MAGI3: variants seen among roughly 807,000 people sequenced by gnomAD.
MAGI3 encodes the protein membrane associated guanylate kinase, WW and PDZ domain containing 3.
A neutral mutation model predicts 121.8 loss-of-function variants in MAGI3; 43 were observed. The observed-to-expected ratio is 0.35, with a 90% confidence interval of 0.28 to 0.46. The LOEUF is 0.46. Among genes scored for constraint, MAGI3 ranks in the 20% least tolerant of loss-of-function variants. The pLI, the probability that MAGI3 is intolerant of heterozygous loss-of-function variation, is 1.00. For synonymous variants in MAGI3, 553 were observed against 639.3 expected (o/e 0.86, Z 2.04); for missense variants, 1,547 against 1,797.3 (o/e 0.86, Z 2.52).
At chr1:113,519,047 T>C (rs774386689) in intron 1 of MAGI3, among the ~76,000 whole-genome samples, 2 of 152,178 alleles carry the variant, frequency 1.3e-5, no homozygotes, top group African/African-American at 4.8e-5. Flanking sequence ...GGGGTACTGA[T>C]GCTTTCTGAC....
chr1:113,648,189 CTCTTTTAA>C, intron 12 of MAGI3, among the ~76,000 whole-genome samples: 1 of 152,154 alleles, frequency 6.6e-6, no homozygotes, highest in South Asian at 2.1e-4. Context: ...CCAAAGTGGA[CTCTTTTAA>C]TCTCTAAAGT....
chr1:113,654,021 A>G lies in MAGI3; in HGVS notation c.2629+3A>G. 6.2e-7 allele frequency: 1 copy of G among 1,610,642 alleles called. No individual in the cohort carries two copies. Among genetic ancestry groups the G allele is most frequent in the African/African-American group, 1.3e-5 (1 of 74,960 alleles). On this transcript the variant is annotated splice_donor_region_variant and intron_variant, in intron 15 of 20. Coordinates refer to ENST00000307546, the MANE Select transcript of MAGI3 (RefSeq NM_001142782.2). ...CAAAAACAAACCACCTCCAGGAGGT[A>G]AGGGCTATTGTATCTTATTGTCTCT...
At chr1:113,526,533 A>G (rs1449296922) in intron 1 of MAGI3, among the ~76,000 whole-genome samples, 5 of 152,160 alleles carry the variant, frequency 3.3e-5, no homozygotes, top group African/African-American at 4.8e-5. Flanking sequence ...TGGAGAAGGA[A>G]CTACAGGGTG....
chr1:113,475,477 T>A (rs191577895), intron 1 of MAGI3, among the ~76,000 whole-genome samples: 9 of 151,242 alleles, frequency 6.0e-5, no homozygotes, highest in Non-Finnish European at 1.3e-4. Context: ...AAGGCCTTCA[T>A]CTATTGAGAT....
chr1:113,490,455 A>G (rs910076002), intron 1 of MAGI3, among the ~76,000 whole-genome samples: 4 of 152,232 alleles, frequency 2.6e-5, no homozygotes, highest in Admixed American at 6.5e-5. Flanking sequence ...GACCAGTGAC[A>G]TTGTAAGGCA....
chr1:113,573,097 T>G (rs1647411079), intron 2 of MAGI3, among the ~76,000 whole-genome samples: 1 of 152,178 alleles, frequency 6.6e-6, no homozygotes, highest in Non-Finnish European at 1.5e-5. Flanking sequence ...TGCTAATTTT[T>G]TGTATTTTTA....
intron 1 of MAGI3, among the ~76,000 whole-genome samples, chr1:113,463,626 A>G (rs1441016220): frequency 6.6e-6 from 1 of 152,100 alleles, no homozygotes; most frequent in Admixed American, 6.6e-5. Context: ...ATGAGGAAGT[A>G]GAGATAAGCA....
chr1:113,515,422 CTTCAT>C (rs1427450561), intron 1 of MAGI3, among the ~76,000 whole-genome samples: 3 of 152,052 alleles, frequency 2.0e-5, no homozygotes, highest in African/African-American at 7.2e-5. Flanking sequence ...TAGTCAAGAA[CTTCAT>C]TTCATTAAAA....
intron 6 of MAGI3, among the ~76,000 whole-genome samples, chr1:113,610,817 C>G (rs1213551774): frequency 6.6e-6 from 1 of 152,110 alleles, no homozygotes; most frequent in Non-Finnish European, 1.5e-5. Flanking sequence ...ACCTTTAGTT[C>G]TAGCTACCCG....
In MAGI3 at chr1:113,642,370, G is replaced by A; in HGVS notation, c.1820G>A (p.Ser607Asn). ...TGQKVKMILDSQWCQGLQKGD... is the reference protein window; with the variant it reads ...TGQKVKMILDNQWCQGLQKGD... ...CAGAAGGTGAAAATGATACTGGATA[G>A]TCAGTGGTGTCAAGGCCTTCAGAAA... The change falls in exon 10 of 21, where the codon AGT (serine) becomes AAT (asparagine). Residue 607 changes from serine (S) to asparagine (N), a missense_variant. By Grantham distance (46) the Ser-to-Asn change is conservative (BLOSUM62 1). Transcript: ENST00000307546. 2 of 1,614,170 alleles carry A rather than the reference G, an allele frequency of 1.2e-6. No individual in the cohort carries two copies. Among genetic ancestry groups the A allele is most frequent in the Non-Finnish European group, 1.7e-6 (2 of 1,180,026 alleles).
chr1:113,427,296 T>A (rs1323171339), intron 1 of MAGI3, among the ~76,000 whole-genome samples: 1 of 152,226 alleles, frequency 6.6e-6, no homozygotes, highest in African/African-American at 2.4e-5. Flanking sequence ...GAGACGCTTT[T>A]GAAGGAATCC....
chr1:113,425,028 AGGCGCCT>A (rs1264622805), intron 1 of MAGI3, among the ~76,000 whole-genome samples: 1 of 151,604 alleles, frequency 6.6e-6, no homozygotes, highest in African/African-American at 2.4e-5. Context: ...GTGTGGTGGC[AGGCGCCT>A]GTAATCCCAG....
intron 8 of MAGI3, 54 bp downstream of exon 8, chr1:113,619,884 C>T (rs913255670): frequency 7.7e-7 from 1 of 1,301,782 alleles, no homozygotes. Context: ...AATTTGTATG[C>T]TGAGTTAATA....
chr1:113,475,165 T>A (rs1000077955), intron 1 of MAGI3, among the ~76,000 whole-genome samples: 1 of 152,128 alleles, frequency 6.6e-6, no homozygotes, highest in Non-Finnish European at 1.5e-5. Flanking sequence ...TCTAAATATA[T>A]AATCATGTCA....
intron 1 of MAGI3, among the ~76,000 whole-genome samples, chr1:113,405,828 T>G (rs1420939636): frequency 6.6e-6 from 1 of 152,156 alleles, no homozygotes; most frequent in African/African-American, 2.4e-5. Context: ...AAAACTGACC[T>G]TGTATAGATC....
At chr1:113,553,076 G>A (rs531149310) in intron 2 of MAGI3, among the ~76,000 whole-genome samples, 12 of 152,204 alleles carry the variant, frequency 7.9e-5, no homozygotes, top group South Asian at 6.2e-4. Context: ...GAGCAACAAC[G>A]TTGAAAAAAG....
chr1:113,514,532 A>G (rs1279905925), intron 1 of MAGI3, among the ~76,000 whole-genome samples: 2 of 151,692 alleles, frequency 1.3e-5, no homozygotes, highest in African/African-American at 2.4e-5. Context: ...AGAACAAAAA[A>G]CCAAACACCG....
intron 17 of MAGI3, among the ~76,000 whole-genome samples, 160 bp from the exon 18 acceptor site, chr1:113,672,455 G>A (rs1647614782): frequency 9.3e-4 from 1 of 1,080 alleles, no homozygotes; most frequent in Admixed American, 0.011. Flanking sequence ...GTTTCTCCTA[G>A]CACCCCTCTG....
intron 2 of MAGI3, among the ~76,000 whole-genome samples, chr1:113,571,481 G>A (rs1038797054): frequency 6.6e-6 from 1 of 152,188 alleles, no homozygotes; most frequent in African/African-American, 2.4e-5. Context: ...ATTACTTTGG[G>A]CAGTGTGGCC....
Sources: allele counts gnomAD v4.1 joint callset (sites outside exome capture counted in the v4.1 genomes callset), GRCh38; gene constraint gnomAD v4.1.1; transcripts MANE v1.5; gene names NCBI Gene and HGNC (gene_info 2026-07-23, HGNC 2026-07-21).